The following CTSZ variants were observed in gnomAD, a reference collection of about 807,000 sequenced individuals.
CTSZ encodes the protein carboxypeptidase LB.
Under a neutral mutation model 32.4 loss-of-function variants are expected in CTSZ, and 39 were observed. The ratio of observed to expected loss-of-function variants is 1.20; its 90% CI spans 0.93 to 1.57. CTSZ has a LOEUF of 1.57. Ranked by LOEUF, CTSZ falls within the 40% of genes most tolerant of loss-of-function variation. CTSZ has a pLI of 0.00. For missense variants in CTSZ, 397 were observed against 419.6 expected (o/e 0.95, Z 0.47); for synonymous variants, 168 against 170.1 (o/e 0.99, Z 0.10).
intron 3 of CTSZ, among the ~76,000 whole-genome samples, chr20:59,000,150 G>T (rs577183743): frequency 3.3e-5 from 5 of 152,244 alleles, no homozygotes; most frequent in East Asian, 3.9e-4. Context: ...GGCCAAGGCA[G>T]GTGGATCACT....
chr20:59,001,170 G>A (rs2091887383), intron 3 of CTSZ, among the ~76,000 whole-genome samples: 2 of 152,150 alleles, frequency 1.3e-5, no homozygotes, highest in Admixed American at 6.5e-5. Context: ...AGGCTTTTTC[G>A]TTGGGCTTCT....
At position 58,995,515 on chromosome 20, in the gene CTSZ, C is replaced by T. The variant is rs1040210590; in HGVS notation, c.*134G>A. On this transcript the variant is annotated 3_prime_UTR_variant, in exon 6 of 6. Transcript: ENST00000217131. ...TCTCAGGAACACTCGCAGCCAGTGC[C>T]ACGCTGTCCTCGCCATCCAATATTG... is the stretch of plus-strand genomic sequence containing the variant. 13 of 727,408 alleles carry T rather than the reference C, an allele frequency of 1.8e-5. No homozygotes were observed. In the Admixed American group the frequency reaches 1.9e-4, roughly 11 times the overall value. The allele number at this position is 727,408 out of a possible 1,614,324, so 45.1% of individuals were successfully genotyped here. A position where few individuals can be genotyped will look rare whatever the true frequency, so the allele number is the denominator to read the frequency against.
intron 3 of CTSZ, 80 bp from the exon 4 acceptor site, chr20:58,997,833 C>T (rs1186198345): frequency 1.5e-6 from 2 of 1,319,324 alleles, no homozygotes; most frequent in South Asian, 1.5e-5. Context: ...AGCCCACTCT[C>T]CACTCTCATC....
intron 3 of CTSZ, among the ~76,000 whole-genome samples, chr20:58,998,460 C>T (rs1482345249): frequency 2.6e-5 from 4 of 151,350 alleles, no homozygotes; most frequent in African/African-American, 7.3e-5. Context: ...GCAGGAGAAT[C>T]GCTTGAACCC....
In CTSZ at chr20:58,997,650, A is replaced by G. The variant is rs1173568917; in HGVS notation, c.591T>C (p.Ser197=). 2 of 1,608,164 alleles carry G rather than the reference A, an allele frequency of 1.2e-6. No homozygotes were observed. The highest frequency in any genetic ancestry group is 1.1e-5 in the South Asian group (1 of 89,588). ...LWRVGDYGSL[S]GREKMMAEIY... ...TTTCTGCCATCATCTTCTCCCTCCCAGAGAGGGAGCCGTAGTCTCCCACCC... is the reference window on the plus strand; with the variant it reads ...TTTCTGCCATCATCTTCTCCCTCCCGGAGAGGGAGCCGTAGTCTCCCACCC... Residue 197 remains serine (S), a synonymous_variant, in exon 4 of 6, where the codon TCT becomes TCC. Transcript: ENST00000217131.
intron 3 of CTSZ, 86 bp downstream of exon 3, chr20:59,001,379 G>A: frequency 1.4e-6 from 2 of 1,428,846 alleles, no homozygotes; most frequent in Non-Finnish European, 1.9e-6. Context: ...GGAGCACGGG[G>A]TCAGGCTGGG....
Position 59,007,049 on chromosome 20 carries a change from AAG to A in CTSZ, c.78_79del (p.Phe27ProfsTer28). The A allele has an allele frequency of 6.8e-7, 1 of 1,470,228 alleles. No homozygotes were observed. The highest frequency in any genetic ancestry group is 2.4e-4 in the Middle Eastern group (1 of 4,210). 91.1% of individuals were successfully genotyped at this position (1,470,228 alleles called of 1,614,324 possible). A position where few individuals can be genotyped will look rare whatever the true frequency, so the allele number is the denominator to read the frequency against. On this transcript the variant is annotated frameshift_variant, in exon 1 of 6. Transcript: ENST00000217131. LOFTEE classifies it high-confidence loss of function. The stretch of plus-strand genomic sequence containing the variant: ...CCGGTAGCAGGTCTGTCCCCGGCGG[AAG>A]TAGAGGCCGCCCTGCGCCGCGCCCG...
intron 3 of CTSZ, among the ~76,000 whole-genome samples, chr20:58,999,376 T>C (rs947547974): frequency 1.2e-4 from 18 of 152,158 alleles, no homozygotes; most frequent in Admixed American, 3.9e-4. Flanking sequence ...TCTGCTCCTG[T>C]CAGGCTGGGT....
rs1254389974 is a variant in CTSZ at position 59,002,198 on chromosome 20, G to C, written c.308-554C>G. The stretch of plus-strand genomic sequence containing the variant: ...CCCGAAGGCACTGGGGGATGCAGAG[G>C]GCTCCCAGCGGCTGGCTGACCATGC... On this transcript the variant is annotated intron_variant, in intron 2 of 5. Coordinates refer to ENST00000217131, the MANE Select transcript of CTSZ (RefSeq NM_001336.4). This position sits in a 1 kb window ranked among gnomAD's most constrained non-coding sequence, Gnocchi z 4.1. Among the ~76,000 whole-genome samples the C allele has an allele frequency of 6.6e-6, 1 of 152,226 alleles. No individual in the cohort carries two copies. The highest frequency in any genetic ancestry group is 6.5e-5 in the Admixed American group (1 of 15,290).
At position 58,997,714 on chromosome 20, in the gene CTSZ, A is replaced by C; in HGVS notation, c.527T>G (p.Phe176Cys). The change falls in exon 4 of 6, where the codon TTC becomes TGC. Residue 176 changes from phenylalanine (F) to cysteine (C), a missense_variant. Physicochemically the swap from Phe to Cys is radical, Grantham distance 205. Transcript: ENST00000217131. Reference sequence around the variant, plus strand: ...GTTCCGGATGGCGTGGCACTCTTTGAATTCATTGCATGTCCCACATTGGTT... The same window carrying C: ...GTTCCGGATGGCGTGGCACTCTTTGCATTCATTGCATGTCCCACATTGGTT... ...KFNQCGTCNE[F>C]KECHAIRNYT... 1 of 1,610,208 alleles carries C rather than the reference A, an allele frequency of 6.2e-7. No homozygotes were observed. The highest frequency in any genetic ancestry group is 8.5e-7 in the Non-Finnish European group (1 of 1,178,244).
intron 3 of CTSZ, among the ~76,000 whole-genome samples, chr20:59,000,534 T>A (rs532584368): frequency 1.3e-5 from 2 of 152,318 alleles, no homozygotes; most frequent in South Asian, 4.1e-4. Flanking sequence ...CAGCACCCCC[T>A]TGGCCGTAGC....
At position 59,007,219 on chromosome 20, in the gene CTSZ, CGGCCT is replaced by C; in HGVS notation, c.-96_-92del. The C allele has an allele frequency of 8.3e-7, 1 of 1,202,970 alleles. No homozygotes were observed. The highest frequency in any genetic ancestry group is 1.0e-6 in the Non-Finnish European group (1 of 975,376). The allele number at this position is 1,202,970 out of a possible 1,614,324, so 74.5% of individuals were successfully genotyped here. A position where few individuals can be genotyped will look rare whatever the true frequency, so the allele number is the denominator to read the frequency against. ...CCCGCTCTGGATCCCGCCCCGGCCT[CGGCCT>C]CGGCCCAGCACCCGGCCGACCCCGC... On this transcript the variant is annotated 5_prime_UTR_variant, in exon 1 of 6. Coordinates refer to ENST00000217131, the MANE Select transcript of CTSZ (RefSeq NM_001336.4).
intron 3 of CTSZ, among the ~76,000 whole-genome samples, chr20:58,999,587 G>A (rs2091879002): frequency 6.6e-6 from 1 of 152,174 alleles, no homozygotes; most frequent in Non-Finnish European, 1.5e-5. Flanking sequence ...AGGCCTGAGA[G>A]GCAAGGCAAG....
At chr20:58,997,520 C>CTCCTCACCCGCGGGACCTT (rs1278796187) in intron 4 of CTSZ, 83 bp downstream of exon 4, 32 of 1,374,616 alleles carry the variant, frequency 2.3e-5, no homozygotes, top group African/African-American at 1.6e-4. Flanking sequence ...CCGCGGATCT[C>CTCCTCACCCGCGGGACCTT]TCCTCACCCG....
rs2091852240 is a variant in CTSZ, at chr20:58,995,332, CCA to C, written c.*315_*316del. On this transcript the variant is annotated 3_prime_UTR_variant, in exon 6 of 6. Transcript: ENST00000217131. Reference sequence around the variant, plus strand: ...CACCTCTTAAATGCCATATTATTGCCCACAGTTGCCAAATACAAAATATCAAG... The same window carrying C: ...CACCTCTTAAATGCCATATTATTGCCCAGTTGCCAAATACAAAATATCAAG... 11 of 216,748 alleles carry C rather than the reference CCA, an allele frequency of 5.1e-5. No individual in the cohort carries two copies. In the South Asian group the frequency reaches 1.4e-3, roughly 28 times the overall value. The allele number at this position is 216,748 out of a possible 1,614,324, so 13.4% of individuals were successfully genotyped here. A position where few individuals can be genotyped will look rare whatever the true frequency, so the allele number is the denominator to read the frequency against.
At chr20:58,998,552 A>AAAAAAG (rs368429073) in intron 3 of CTSZ, among the ~76,000 whole-genome samples, 1 of 145,284 alleles carries the variant, frequency 6.9e-6, no homozygotes, top group Non-Finnish European at 1.5e-5. Context: ...GTCTCAAAAA[A>AAAAAAG]AAAGAAAGAA....
At position 58,995,749 on chromosome 20, in the gene CTSZ, CCT is replaced by C. The variant is rs773414005; in HGVS notation, c.810_811del (p.Gly271LeufsTer10). 7.4e-6 allele frequency: 12 copies of C among 1,613,972 alleles called. No individual in the cohort carries two copies. The highest frequency in any genetic ancestry group is 4.4e-5 in the South Asian group (4 of 91,066). Reference sequence around the variant, plus strand: ...GGTGCTGGTCACGATCCTCAGCCAGCCTCTCTCGCCCTGTGAGAAGTGGGATC... The same window carrying C: ...GGTGCTGGTCACGATCCTCAGCCAGCCTCTCGCCCTGTGAGAAGTGGGATC... On this transcript the variant is annotated frameshift_variant, in exon 6 of 6. Transcript: ENST00000217131. LOFTEE classifies it high-confidence loss of function.
chr20:59,006,237 G>A, intron 2 of CTSZ, 85 bp downstream of exon 2: 1 of 1,468,088 alleles, frequency 6.8e-7, no homozygotes, highest in East Asian at 2.5e-5. Flanking sequence ...ACAGGCCCCT[G>A]GAACCGCGGG....
chr20:58,997,726 G>T lies in CTSZ; in HGVS notation c.515C>A (p.Thr172Lys). Residue 172 changes from threonine (T) to lysine (K), a missense_variant, in exon 4 of 6, where the codon ACA becomes AAA. Transcript: ENST00000217131. ...GTGGCACTCTTTGAATTCATTGCAT[G>T]TCCCACATTGGTTAAACTTGTCACA... ...QECDKFNQCGTCNEFKECHAI... is the reference protein window; with the variant it reads ...QECDKFNQCGKCNEFKECHAI... The T allele has an allele frequency of 6.2e-7, 1 of 1,609,198 alleles. No homozygotes were observed. Among genetic ancestry groups the T allele is most frequent in the Non-Finnish European group, 8.5e-7 (1 of 1,177,846 alleles).
Sources: allele counts gnomAD v4.1 joint callset (sites outside exome capture counted in the v4.1 genomes callset), GRCh38; gene constraint gnomAD v4.1.1; non-coding constraint Gnocchi (gnomAD v3.1); transcripts MANE v1.5; gene names NCBI Gene and HGNC (gene_info 2026-07-23, HGNC 2026-07-21).